SUMF1: variants seen among roughly 807,000 people sequenced by gnomAD.
SUMF1 encodes formylglycine-generating enzyme.
A neutral mutation model predicts 47.6 loss-of-function variants in SUMF1; 48 were observed. The ratio of observed to expected loss-of-function variants is 1.01; its 90% CI spans 0.80 to 1.28. The LOEUF (loss-of-function observed/expected upper bound fraction) is 1.28, where lower values mean the gene tolerates loss of function less well. Ranked by LOEUF, SUMF1 falls within the 50% of genes most tolerant of loss-of-function variation. The pLI, the probability that SUMF1 is intolerant of heterozygous loss-of-function variation, is 0.00. For missense variants in SUMF1, 571 were observed against 485.4 expected (o/e 1.18, Z -1.66); for synonymous variants, 230 against 192.1 (o/e 1.20, Z -1.63).
intron 8 of SUMF1, among the ~76,000 whole-genome samples, chr3:4,131,256 C>A (rs1279963696): frequency 6.6e-6 from 1 of 152,124 alleles, no homozygotes; most frequent in Non-Finnish European, 1.5e-5. Context: ...TAGAGCAGGT[C>A]ATGAAGGCAC....
intron 8 of SUMF1, among the ~76,000 whole-genome samples, chr3:4,087,618 G>A (rs948186189): frequency 1.3e-5 from 2 of 151,978 alleles, no homozygotes; most frequent in Non-Finnish European, 2.9e-5. Flanking sequence ...TTTAATGTCT[G>A]GCTTCATAGA....
At chr3:4,367,117 G>A (rs1307091256) in intron 8 of SUMF1, among the ~76,000 whole-genome samples, 5 of 151,944 alleles carry the variant, frequency 3.3e-5, no homozygotes, top group Admixed American at 2.6e-4. Flanking sequence ...TGAGGTGTCA[G>A]TCTGCCCCTA....
intron 7 of SUMF1, among the ~76,000 whole-genome samples, chr3:4,409,382 G>A (rs1449355410): frequency 6.6e-6 from 1 of 152,274 alleles, no homozygotes; most frequent in East Asian, 1.9e-4. Context: ...CCAGGATAAA[G>A]CCTGGGATTG....
At chr3:4,064,504 T>A (rs1225696489) in intron 9 of SUMF1, among the ~76,000 whole-genome samples, 3 of 152,152 alleles carry the variant, frequency 2.0e-5, no homozygotes, top group Non-Finnish European at 2.9e-5. Context: ...ATAAGTATAC[T>A]CAGTTGAGCC....
chr3:4,415,226 C>CA (rs35397535), intron 6 of SUMF1, among the ~76,000 whole-genome samples: 6,502 of 77,934 alleles, frequency 0.083, 744 homozygotes, highest in African/African-American at 0.27. Flanking sequence ...GACTCCATCT[C>CA]AAAAAAAAAA....
At chr3:4,134,417 C>A (rs1191430692) in intron 8 of SUMF1, among the ~76,000 whole-genome samples, 1 of 152,022 alleles carries the variant, frequency 6.6e-6, no homozygotes, top group African/African-American at 2.4e-5. Context: ...TCTTTGAATC[C>A]AATGAGAACA....
chr3:4,045,926 C>G (rs574053495), intron 9 of SUMF1, among the ~76,000 whole-genome samples: 1 of 152,242 alleles, frequency 6.6e-6, no homozygotes, highest in African/African-American at 2.4e-5. Context: ...TGGCTTATGC[C>G]TATAATTCCA....
chr3:4,441,600 T>C (rs985599555), intron 3 of SUMF1, among the ~76,000 whole-genome samples: 23 of 152,160 alleles, frequency 1.5e-4, no homozygotes, highest in Non-Finnish European at 5.9e-5. Flanking sequence ...ATAGCAAAAC[T>C]TGCCTTAATC....
intron 8 of SUMF1, among the ~76,000 whole-genome samples, chr3:4,132,427 G>C (rs1444595686): frequency 6.6e-6 from 1 of 152,078 alleles, no homozygotes; most frequent in Non-Finnish European, 1.5e-5. Context: ...ACTTTGCACA[G>C]CTGGGTCAAA....
chr3:4,281,987 G>A (rs1181062175), intron 8 of SUMF1, among the ~76,000 whole-genome samples: 1 of 152,128 alleles, frequency 6.6e-6, no homozygotes, highest in Non-Finnish European at 1.5e-5. Context: ...GATTGTATAG[G>A]TATTTAGAAG....
chr3:4,181,101 G>A (rs1186715823), intron 8 of SUMF1, among the ~76,000 whole-genome samples: 3 of 152,262 alleles, frequency 2.0e-5, no homozygotes, highest in South Asian at 2.1e-4. Flanking sequence ...CCACATAGAG[G>A]ATAGTGGAAG....
intron 7 of SUMF1, among the ~76,000 whole-genome samples, chr3:4,396,878 A>C (rs1701055629): frequency 6.6e-6 from 1 of 152,258 alleles, no homozygotes; most frequent in African/African-American, 2.4e-5. Flanking sequence ...AAGAAGCATG[A>C]ATTATTATAG....
intron 3 of SUMF1, 76 bp from the exon 4 acceptor site, chr3:4,420,222 C>A (rs895924636): frequency 2.3e-5 from 26 of 1,110,292 alleles, no homozygotes; most frequent in Non-Finnish European, 3.4e-5. Context: ...GTACATGCAG[C>A]AAAAATCTCA....
intron 8 of SUMF1, among the ~76,000 whole-genome samples, chr3:4,086,353 A>T (rs576546974): frequency 1.1e-4 from 17 of 152,216 alleles, no homozygotes; most frequent in African/African-American, 4.1e-4. Context: ...GCCCTTGGAA[A>T]GTCACTTCAC....
chr3:4,336,021 G>C (rs1188279923), intron 8 of SUMF1, among the ~76,000 whole-genome samples: 1 of 148,010 alleles, frequency 6.8e-6, no homozygotes, highest in East Asian at 2.0e-4. Context: ...TGATAGGAGA[G>C]TTGTTGCTGG....
chr3:4,414,021 G>A (rs1200477845), intron 6 of SUMF1, among the ~76,000 whole-genome samples: 2 of 151,922 alleles, frequency 1.3e-5, no homozygotes, highest in South Asian at 2.1e-4. Context: ...ATGCTGCCAC[G>A]CCCGGCTAAT....
At chr3:4,197,447 G>T (rs1695453415) in intron 8 of SUMF1, among the ~76,000 whole-genome samples, 1 of 152,212 alleles carries the variant, frequency 6.6e-6, no homozygotes. Flanking sequence ...TGCTCTAAAA[G>T]ATAGGTAAGG....
At chr3:4,069,515 G>A (rs1275454789) in intron 8 of SUMF1, among the ~76,000 whole-genome samples, 1 of 152,154 alleles carries the variant, frequency 6.6e-6, no homozygotes, top group African/African-American at 2.4e-5. Flanking sequence ...TGCAATCTAT[G>A]TGCCCTCTTC....
chr3:4,245,394 A>T (rs375482335), intron 8 of SUMF1, among the ~76,000 whole-genome samples: 3 of 151,992 alleles, frequency 2.0e-5, no homozygotes, highest in Non-Finnish European at 4.4e-5. Context: ...TTGGTCTTTA[A>T]TGTTGGGACC....
Sources: allele counts gnomAD v4.1 joint callset (sites outside exome capture counted in the v4.1 genomes callset), GRCh38; gene constraint gnomAD v4.1.1; transcripts MANE v1.5; gene names NCBI Gene and HGNC (gene_info 2026-07-23, HGNC 2026-07-21).